The following PGBD2 variants were observed in gnomAD, a reference collection of about 807,000 sequenced individuals.
PGBD2 encodes piggyBac transposable element-derived protein 2.
PGBD2 carries 6 observed loss-of-function variants against 8.1 expected under a neutral mutation model. The observed-to-expected ratio is 0.74, with a 90% confidence interval of 0.40 to 1.46. PGBD2 has a LOEUF of 1.46. Ranked by LOEUF, PGBD2 falls within the 40% of genes most tolerant of loss-of-function variation. The pLI is 0.02. For missense variants in PGBD2, 802 were observed against 739.0 expected (o/e 1.09, Z -0.99); for synonymous variants, 318 against 272.2 (o/e 1.17, Z -1.66).
intron 2 of PGBD2, among the ~76,000 whole-genome samples, chr1:248,916,238 C>T (rs1351884141): frequency 6.6e-6 from 1 of 151,850 alleles, no homozygotes; most frequent in Non-Finnish European, 1.5e-5. Flanking sequence ...ACGGTGAAAC[C>T]CCATCTCTAC....
the PGBD2 span, among the ~76,000 whole-genome samples, chr1:248,874,424 C>T: frequency 1.3e-5 from 2 of 152,184 alleles, no homozygotes; most frequent in African/African-American, 2.4e-5. Context: ...ACCTGGTGTC[C>T]TCATTTTGCA....
chr1:248,873,377 G>A, the PGBD2 span, among the ~76,000 whole-genome samples: 1,066 of 152,326 alleles, frequency 7.0e-3, 16 homozygotes, highest in African/African-American at 0.024. Flanking sequence ...TGGAGGAAGC[G>A]CGGTGGACCT....
At position 248,917,503 on chromosome 1, in the gene PGBD2, G is replaced by A. The variant is rs781021894; in HGVS notation, c.919G>A (p.Val307Met). 1.6e-5 allele frequency: 26 copies of A among 1,614,032 alleles called. No homozygotes were observed. Among genetic ancestry groups the A allele is most frequent in the Admixed American group, 6.7e-5 (4 of 59,996 alleles). The stretch of plus-strand genomic sequence containing the variant: ...TGGGACAACCAGCAGAGGCTACTTG[G>A]TGTGGTTTGAGCCCTCACAGGGCAC... ...WCGTTSRGYLVWFEPSQGTLF... is the reference protein window; with the variant it reads ...WCGTTSRGYLMWFEPSQGTLF... The change falls in exon 3 of 3, where the codon GTG (valine) becomes ATG (methionine). Residue 307 changes from valine to methionine, a missense_variant. Transcript: ENST00000329291.
the PGBD2 span, among the ~76,000 whole-genome samples, chr1:248,889,299 C>T: frequency 2.6e-5 from 4 of 152,076 alleles, no homozygotes; most frequent in East Asian, 1.9e-4. Flanking sequence ...GCAGGAGAAT[C>T]GCTTGAACCT....
the PGBD2 span, among the ~76,000 whole-genome samples, chr1:248,881,653 A>G: frequency 2.6e-5 from 4 of 152,350 alleles, no homozygotes; most frequent in East Asian, 1.9e-4. Context: ...TTAAATTTCT[A>G]TAGTCAATAG....
At chr1:248,892,244 TC>T in the PGBD2 span, among the ~76,000 whole-genome samples, 1 of 18,710 alleles carries the variant, frequency 5.3e-5, no homozygotes, top group African/African-American at 1.3e-4. Context: ...GTTCCTTCCT[TC>T]CCTCCCTCCC....
At chr1:248,902,882 A>G (rs769804099), upstream of PGBD2, among the ~76,000 whole-genome samples, 1 of 152,176 alleles carries the variant, frequency 6.6e-6, no homozygotes, top group Non-Finnish European at 1.5e-5. Context: ...GAGGGAGAGC[A>G]TCAGGAAAAG....
At chr1:248,908,547 A>C (rs916629902) in intron 1 of PGBD2, among the ~76,000 whole-genome samples, 1 of 152,080 alleles carries the variant, frequency 6.6e-6, no homozygotes, top group Non-Finnish European at 1.5e-5. Flanking sequence ...ATTTCTCTCC[A>C]TAGGCCCCAC....
downstream of PGBD2, among the ~76,000 whole-genome samples, chr1:248,921,753 C>T (rs533439832): frequency 1.3e-5 from 2 of 152,288 alleles, no homozygotes; most frequent in Admixed American, 6.5e-5. Context: ...GATATTGATT[C>T]TTCCTATCCA....
chr1:248,911,949 G>A lies in PGBD2; in HGVS notation c.-47-1867G>A, dbSNP rs150082827. ...AGAGGGGTTGTTGGTCTATTCTTGC[G>A]GTTGTAAAAGTGGCCCAGAGTGAGT... On this transcript the variant is annotated intron_variant, in intron 1 of 2. Coordinates refer to ENST00000329291, the MANE Select transcript of PGBD2 (RefSeq NM_170725.3). Among the ~76,000 whole-genome samples, 474 of 152,094 alleles carry A rather than the reference G, an allele frequency of 3.1e-3. 4 individuals are homozygous for A. Among genetic ancestry groups the A allele is most frequent in the Non-Finnish European group, 4.8e-3 (326 of 67,986 alleles).
At chr1:248,882,374 T>C in the PGBD2 span, among the ~76,000 whole-genome samples, 4 of 152,170 alleles carry the variant, frequency 2.6e-5, no homozygotes, top group Non-Finnish European at 5.9e-5. Context: ...ATTTACAATA[T>C]AGTGTGTGCA....
At chr1:248,911,676 C>T (rs1661887235) in intron 1 of PGBD2, among the ~76,000 whole-genome samples, 2 of 149,124 alleles carry the variant, frequency 1.3e-5, no homozygotes, top group African/African-American at 2.6e-5. Flanking sequence ...AGGGGCTCCT[C>T]ACTTCCCAGT....
At chr1:248,882,359 T>G in the PGBD2 span, among the ~76,000 whole-genome samples, 3 of 152,216 alleles carry the variant, frequency 2.0e-5, no homozygotes, top group African/African-American at 7.2e-5. Context: ...TATACAGAGA[T>G]AAGAATTTAC....
At chr1:248,885,088 T>G in the PGBD2 span, among the ~76,000 whole-genome samples, 1 of 152,244 alleles carries the variant, frequency 6.6e-6, no homozygotes, top group South Asian at 2.1e-4. Flanking sequence ...TGCAGTCCCC[T>G]TGGCCACAAG....
the PGBD2 span, among the ~76,000 whole-genome samples, chr1:248,896,019 G>A: frequency 6.6e-6 from 1 of 151,606 alleles, no homozygotes; most frequent in African/African-American, 2.4e-5. Context: ...ACGCCCCTCC[G>A]ACCCTTCCCC....
the PGBD2 span, among the ~76,000 whole-genome samples, chr1:248,874,167 G>A: frequency 2.0e-5 from 3 of 152,160 alleles, no homozygotes; most frequent in Non-Finnish European, 2.9e-5. Context: ...CGAGAAAACC[G>A]CATCCAATCA....
intron 1 of PGBD2, among the ~76,000 whole-genome samples, chr1:248,911,964 C>T (rs1661908475): frequency 6.6e-6 from 1 of 151,764 alleles, no homozygotes; most frequent in African/African-American, 2.4e-5. Flanking sequence ...TAAAAGTGGC[C>T]CAGAGTGAGT....
the PGBD2 span, among the ~76,000 whole-genome samples, chr1:248,893,188 A>G: frequency 6.6e-6 from 1 of 152,214 alleles, no homozygotes; most frequent in Non-Finnish European, 1.5e-5. Flanking sequence ...ACATCCATCA[A>G]TTTCAGAAGT....
chr1:248,883,964 T>G, the PGBD2 span, among the ~76,000 whole-genome samples: 1 of 152,196 alleles, frequency 6.6e-6, no homozygotes, highest in African/African-American at 2.4e-5. Flanking sequence ...TTTCTTTTAG[T>G]TGCAATTGCT....
Sources: allele counts gnomAD v4.1 joint callset (sites outside exome capture counted in the v4.1 genomes callset), GRCh38; gene constraint gnomAD v4.1.1; transcripts MANE v1.5; gene names NCBI Gene and HGNC (gene_info 2026-07-23, HGNC 2026-07-21).